The following XKR4 variants were observed in gnomAD, a reference collection of about 807,000 sequenced individuals.
The protein encoded by XKR4 is XK related 4, also known as XK-related protein 4.
XKR4 carries 12 observed loss-of-function variants against 53.9 expected under a neutral mutation model. The ratio of observed to expected loss-of-function variants is 0.22; its 90% CI spans 0.14 to 0.36. XKR4 has a LOEUF of 0.36. XKR4 is among the 10% of genes least tolerant of loss of function. XKR4 has a pLI of 1.00. For synonymous variants in XKR4, 354 were observed against 362.4 expected, an observed-to-expected ratio of 0.98 and a Z score of 0.26; for missense variants, 799 against 859.5, an observed-to-expected ratio of 0.93 and a Z score of 0.88.
chr8:55,140,275 G>A (rs1236512651), intron 1 of XKR4: 1 of 283,852 alleles, frequency 3.5e-6, no homozygotes, highest in South Asian at 3.2e-5. Context: ...AGGAAGGGAA[G>A]TGTGACAATT....
intron 2 of XKR4, chr8:55,453,982 A>C: frequency 1.3e-6 from 1 of 790,956 alleles, no homozygotes; most frequent in Non-Finnish European, 2.2e-6. Flanking sequence ...AGGCTGCCTT[A>C]TGGAAGCGGA....
intron 2 of XKR4, among the ~76,000 whole-genome samples, chr8:55,515,403 T>G (rs1412412851): frequency 6.6e-6 from 1 of 152,140 alleles, no homozygotes; most frequent in Non-Finnish European, 1.5e-5. Flanking sequence ...GTTGTCGTGT[T>G]TTTTTTTCAA....
chr8:55,477,070 G>A (rs1806001250), intron 2 of XKR4, among the ~76,000 whole-genome samples: 1 of 151,090 alleles, frequency 6.6e-6, no homozygotes, highest in South Asian at 2.1e-4. Flanking sequence ...CGCAGCTTGA[G>A]ATCTGAGAAT....
At position 55,540,252 on chromosome 8, in the gene XKR4, G is replaced by A. The variant is rs187436643; in HGVS notation, c.*16025G>A. On this transcript the variant is annotated 3_prime_UTR_variant, in exon 3 of 3. Coordinates refer to ENST00000327381, the MANE Select transcript of XKR4 (RefSeq NM_052898.2). Reference sequence around the variant, plus strand: ...TGTATTAATTGTGGTCAATTTTCATGGATATTTCCCATTAACATTGTATTC... The same window carrying A: ...TGTATTAATTGTGGTCAATTTTCATAGATATTTCCCATTAACATTGTATTC... 3 of 152,248 alleles carry A rather than the reference G, an allele frequency of 2.0e-5. No homozygotes were observed. The highest frequency in any genetic ancestry group is 2.0e-4 in the Admixed American group (3 of 15,284). The allele number at this position is 152,248 out of a possible 1,614,324, so 9.4% of individuals were successfully genotyped here.
chr8:55,500,637 C>G (rs1289928422), intron 2 of XKR4, among the ~76,000 whole-genome samples: 4 of 152,196 alleles, frequency 2.6e-5, no homozygotes, highest in Admixed American at 6.5e-5. Flanking sequence ...TCACTATTCC[C>G]TCTCATGGGA....
chr8:55,178,618 C>G (rs1817265451), intron 1 of XKR4, among the ~76,000 whole-genome samples: 1 of 152,032 alleles, frequency 6.6e-6, no homozygotes, highest in African/African-American at 2.4e-5. Flanking sequence ...GAAGAGAGAC[C>G]CCTGAGCTGA....
chr8:55,467,140 G>T (rs894242498), intron 2 of XKR4, among the ~76,000 whole-genome samples: 4 of 152,034 alleles, frequency 2.6e-5, no homozygotes, highest in African/African-American at 9.7e-5. Context: ...GGTCCCTGTG[G>T]GTACAGAACT....
At chr8:55,170,651 C>T (rs1817144840) in intron 1 of XKR4, among the ~76,000 whole-genome samples, 1 of 152,162 alleles carries the variant, frequency 6.6e-6, no homozygotes, top group Admixed American at 6.5e-5. Context: ...TGCAGATATG[C>T]ATGAGACATA....
chr8:55,141,693 C>G (rs1816706334), intron 1 of XKR4, among the ~76,000 whole-genome samples: 2 of 137,998 alleles, frequency 1.4e-5, no homozygotes, highest in East Asian at 2.1e-4. Context: ...GTGTGTGTCT[C>G]TCTCTGTGGA....
At chr8:55,244,438 G>A (rs1486633240) in intron 1 of XKR4, among the ~76,000 whole-genome samples, 2 of 152,156 alleles carry the variant, frequency 1.3e-5, no homozygotes, top group African/African-American at 4.8e-5. Flanking sequence ...TGGTGTATAT[G>A]TACCACATTT....
At chr8:55,415,734 G>A (rs1285882701) in intron 2 of XKR4, among the ~76,000 whole-genome samples, 1 of 152,048 alleles carries the variant, frequency 6.6e-6, no homozygotes, top group South Asian at 2.1e-4. Context: ...GTGATTATAG[G>A]GTGAAAAATA....
At position 55,529,230 on chromosome 8, in the gene XKR4, C is replaced by T. The variant is rs1806916617; in HGVS notation, c.*5003C>T. ...CCACATGGAAGAAGTGCCAAATAGC[C>T]ATTTGCATTTATATATATATATTGC... On this transcript the variant is annotated 3_prime_UTR_variant, in exon 3 of 3. Transcript: ENST00000327381. The T allele has an allele frequency of 6.6e-6, 1 of 151,810 alleles. No individual in the cohort carries two copies. Among genetic ancestry groups the T allele is most frequent in the Non-Finnish European group, 1.5e-5 (1 of 67,980 alleles). The allele number at this position is 151,810 out of a possible 1,614,324, so 9.4% of individuals were successfully genotyped here.
rs748721203 is a variant in XKR4, at chr8:55,534,860, C to T, written c.*10633C>T. 6.7e-6 allele frequency: 1 copy of T among 150,182 alleles called. No individual in the cohort carries two copies. The highest frequency in any genetic ancestry group is 1.5e-5 in the Non-Finnish European group (1 of 67,798). 9.3% of individuals were successfully genotyped at this position (150,182 alleles called of 1,614,324 possible). ...ATAGTTTCAGAGTATGCAAGAGAGT[C>T]GGGCCTTCATATGTTCTTGTAAAGT... On this transcript the variant is annotated 3_prime_UTR_variant, in exon 3 of 3. Transcript: ENST00000327381.
chr8:55,420,293 G>T (rs1036089279), intron 2 of XKR4, among the ~76,000 whole-genome samples: 4 of 152,098 alleles, frequency 2.6e-5, no homozygotes, highest in African/African-American at 9.7e-5. Flanking sequence ...TCCTTTGGCT[G>T]TTAAAGGACT....
At chr8:55,477,612 T>C (rs1275381314) in intron 2 of XKR4, among the ~76,000 whole-genome samples, 1 of 152,058 alleles carries the variant, frequency 6.6e-6, no homozygotes, top group Non-Finnish European at 1.5e-5. Flanking sequence ...TACTCCGAGC[T>C]ACAGGAGGAA....
At chr8:55,493,745 C>T (rs1276221659) in intron 2 of XKR4, among the ~76,000 whole-genome samples, 1 of 152,192 alleles carries the variant, frequency 6.6e-6, no homozygotes, top group African/African-American at 2.4e-5. Flanking sequence ...CATACAGGAA[C>T]AGACTGTAAA....
At chr8:55,176,112 G>A (rs574443066) in intron 1 of XKR4, among the ~76,000 whole-genome samples, 2 of 152,240 alleles carry the variant, frequency 1.3e-5, no homozygotes, top group South Asian at 2.1e-4. Context: ...TAGATACGCA[G>A]GTGACCTGTG....
At chr8:55,226,886 A>G (rs190972145) in intron 1 of XKR4, among the ~76,000 whole-genome samples, 1 of 152,180 alleles carries the variant, frequency 6.6e-6, no homozygotes, top group East Asian at 1.9e-4. Flanking sequence ...GCTATCCATC[A>G]CTGTTGAGAT....
chr8:55,102,514 T>C lies in XKR4; in HGVS notation c.26T>C (p.Leu9Pro). 1.3e-6 allele frequency: 2 copies of C among 1,547,768 alleles called. No homozygotes were observed. Among genetic ancestry groups the C allele is most frequent in the East Asian group, 2.6e-5 (1 of 38,282 alleles). Reference protein sequence around the residue: MAAKSDGRLKMKKSSDVAF... With the variant: MAAKSDGRPKMKKSSDVAF... ...ATGGCCGCTAAATCAGACGGGAGGC[T>C]GAAAATGAAGAAAAGCAGCGACGTG... The change falls in exon 1 of 3, where the codon CTG (leucine) becomes CCG (proline). Residue 9 changes from leucine (L) to proline (P), a missense_variant. This residue lies in a region of XKR4 where 476 missense variants were observed against 505.4 expected (regional missense o/e 0.94). Transcript: ENST00000327381. This position sits in a 1 kb window ranked among gnomAD's most constrained non-coding sequence, Gnocchi z 5.1.
Sources: gnomAD v4.1 joint callset for allele counts (sites outside exome capture counted in the v4.1 genomes callset) on GRCh38, gnomAD v4.1.1 for gene constraint, gnomAD v4.1.1 regional missense constraint, Gnocchi (gnomAD v3.1) non-coding constraint, MANE v1.5 for transcripts, NCBI Gene and HGNC (gene_info 2026-07-23, HGNC 2026-07-21) for gene names.